TMCC1: variants seen among roughly 807,000 people sequenced by gnomAD.
TMCC1 encodes transmembrane and coiled-coil domain family 1, also known as transmembrane and coiled-coil domains protein 1.
In TMCC1, 15 loss-of-function variants were observed where a neutral mutation model predicts 52.4. The observed-to-expected ratio is 0.29, with a 90% confidence interval of 0.19 to 0.44. The LOEUF (loss-of-function observed/expected upper bound fraction) is 0.44. Ranked by LOEUF, TMCC1 falls within the 20% of genes least tolerant of loss-of-function variation. The probability of loss-of-function intolerance (pLI) is 1.00; values close to 1 mark genes in which losing one functional copy is unlikely to be tolerated. For missense variants in TMCC1, 503 were observed against 806.0 expected, an observed-to-expected ratio of 0.62 and a Z score of 4.55; for synonymous variants, 279 against 301.9, an observed-to-expected ratio of 0.92 and a Z score of 0.79.
At chr3:129,823,331 A>G (rs1576990830) in intron 4 of TMCC1, among the ~76,000 whole-genome samples, 1 of 4,428 alleles carries the variant, frequency 2.3e-4, no homozygotes, top group South Asian at 0.02. Context: ...CATCTCAAAC[A>G]AAACAAAACA....
chr3:129,790,105 A>G (rs1164826657), intron 4 of TMCC1, among the ~76,000 whole-genome samples: 2 of 152,190 alleles, frequency 1.3e-5, no homozygotes, highest in African/African-American at 4.8e-5. Context: ...TGATTGAAAA[A>G]GAATCATCAC....
chr3:129,670,986 G>C lies in TMCC1; in HGVS notation c.855C>G (p.Asn285Lys), dbSNP rs1286451326. The C allele has an allele frequency of 6.2e-7, 1 of 1,614,190 alleles. No individual in the cohort carries two copies. The highest frequency in any genetic ancestry group is 8.5e-7 in the Non-Finnish European group (1 of 1,180,048). ...ARIKQVFEKK[N>K]QKSAQTILQL... is the part of the protein sequence containing the mutation. ...GGAGGATAGTTTGGGCAGATTTCTGGTTCTTCTTCTCAAAGACTTGCTTGA... is the reference window on the plus strand; with the variant it reads ...GGAGGATAGTTTGGGCAGATTTCTGCTTCTTCTTCTCAAAGACTTGCTTGA... Residue 285 changes from asparagine (N) to lysine (K), a missense_variant, in exon 5 of 7, where the codon AAC becomes AAG. Asn to Lys is a moderately conservative substitution (Grantham distance 94). This residue lies in a region of TMCC1 where 73 missense variants were observed against 182.9 expected (regional missense o/e 0.40). Coordinates refer to ENST00000393238, the MANE Select transcript of TMCC1 (RefSeq NM_001017395.5).
At chr3:129,684,920 T>C (rs1430873729) in intron 4 of TMCC1, among the ~76,000 whole-genome samples, 1 of 152,216 alleles carries the variant, frequency 6.6e-6, no homozygotes, top group Non-Finnish European at 1.5e-5. Flanking sequence ...TTTTTCTTTA[T>C]GTAAAACACT....
chr3:129,861,865 C>G (rs572521258), intron 2 of TMCC1, among the ~76,000 whole-genome samples: 2 of 152,288 alleles, frequency 1.3e-5, no homozygotes, highest in East Asian at 3.9e-4. Flanking sequence ...AATTCCATTT[C>G]TAGGCATATA....
intron 3 of TMCC1, among the ~76,000 whole-genome samples, chr3:129,831,385 C>T (rs548261585): frequency 1.1e-4 from 17 of 152,246 alleles, no homozygotes; most frequent in East Asian, 5.8e-4. Context: ...AATAAATTAT[C>T]GGATTTTCAA....
chr3:129,829,603 T>G (rs913793303), intron 3 of TMCC1, among the ~76,000 whole-genome samples: 1 of 152,170 alleles, frequency 6.6e-6, no homozygotes, highest in Non-Finnish European at 1.5e-5. Flanking sequence ...CAAAATATGA[T>G]GTAGGAGGTT....
intron 2 of TMCC1, among the ~76,000 whole-genome samples, chr3:129,844,874 T>A (rs934396988): frequency 6.6e-6 from 1 of 152,176 alleles, no homozygotes; most frequent in Non-Finnish European, 1.5e-5. Context: ...CTGTTCCTTT[T>A]TGAAAATAAA....
intron 2 of TMCC1, among the ~76,000 whole-genome samples, chr3:129,840,301 A>G (rs1218466365): frequency 1.7e-5 from 2 of 117,546 alleles, no homozygotes; most frequent in South Asian, 3.0e-4. Context: ...TACTCCAACC[A>G]GGGTGACAGA....
In TMCC1 at chr3:129,671,218, A is replaced by G. The variant is rs2087908186; in HGVS notation, c.623T>C (p.Val208Ala). The change falls in exon 5 of 7, where the codon GTG becomes GCG. Residue 208 changes from valine to alanine, a missense_variant. This residue lies in a region of TMCC1 where 217 missense variants were observed against 297.9 expected (regional missense o/e 0.73). Transcript: ENST00000393238. Reference protein sequence around the residue: ...VSSLAQTSSAVASSTDGSIHT... With the variant: ...VSSLAQTSSAAASSTDGSIHT... ...GATGCTGCCATCGGTACTGGAGGCC[A>G]CTGCACTGGATGTTTGGGCAAGGCT... 6 of 1,614,114 alleles carry G rather than the reference A, an allele frequency of 3.7e-6. No individual in the cohort carries two copies. The highest frequency in any genetic ancestry group is 5.1e-6 in the Non-Finnish European group (6 of 1,180,012).
chr3:129,775,318 G>A (rs565564061), intron 4 of TMCC1, among the ~76,000 whole-genome samples: 6 of 152,134 alleles, frequency 3.9e-5, no homozygotes, highest in Admixed American at 3.9e-4. Flanking sequence ...GTTTTAATTA[G>A]CCAGGTGTGG....
At chr3:129,654,336 C>A (rs1259832276) in intron 6 of TMCC1, among the ~76,000 whole-genome samples, 1 of 152,160 alleles carries the variant, frequency 6.6e-6, no homozygotes, top group East Asian at 1.9e-4. Flanking sequence ...GGTAAATGAT[C>A]TAGACATTCC....
chr3:129,710,410 G>A (rs971968132), intron 4 of TMCC1, among the ~76,000 whole-genome samples: 3 of 152,008 alleles, frequency 2.0e-5, no homozygotes, highest in Non-Finnish European at 4.4e-5. Context: ...AAGTGATTCT[G>A]CCTCGGACTC....
chr3:129,671,371 A>T (rs191159984), intron 4 of TMCC1, 107 bp from the exon 5 acceptor site: 2 of 1,177,974 alleles, frequency 1.7e-6, no homozygotes, highest in Non-Finnish European at 2.3e-6. Context: ...ATCTCAGTAG[A>T]TAACTGACCT....
At position 129,798,289 on chromosome 3, in the gene TMCC1, C is replaced by T. The variant is rs1456228140; in HGVS notation, c.576+29514G>A. ...GGATCACAGGCATGAGCCACCATGC[C>T]CAGCCGCCTTTCTGGTTTTTGAGTG... On this transcript the variant is annotated intron_variant, in intron 4 of 6. Transcript: ENST00000393238. 2.0e-5 allele frequency among the ~76,000 whole-genome samples: 3 copies of T among 152,152 alleles called. No homozygotes were observed. In the East Asian group the frequency reaches 5.8e-4, roughly 29 times the overall value.
At chr3:129,722,908 T>TA (rs2049737290) in intron 4 of TMCC1, among the ~76,000 whole-genome samples, 1 of 152,196 alleles carries the variant, frequency 6.6e-6, no homozygotes, top group Non-Finnish European at 1.5e-5. Context: ...CCATAAGGCA[T>TA]AAGAGGGTAA....
intron 2 of TMCC1, among the ~76,000 whole-genome samples, chr3:129,854,373 G>C (rs977668345): frequency 2.9e-5 from 4 of 138,952 alleles, no homozygotes; most frequent in African/African-American, 1.1e-4. Flanking sequence ...GGGCAACACA[G>C]TGAGACTCTG....
chr3:129,868,455 T>C (rs1188732151), intron 2 of TMCC1, among the ~76,000 whole-genome samples: 2 of 152,218 alleles, frequency 1.3e-5, no homozygotes, highest in African/African-American at 4.8e-5. Context: ...CTTTTCTTTT[T>C]TGAGATAGAG....
intron 4 of TMCC1, among the ~76,000 whole-genome samples, chr3:129,756,209 T>C (rs1270753533): frequency 3.3e-5 from 5 of 152,176 alleles, no homozygotes; most frequent in Non-Finnish European, 7.4e-5. Flanking sequence ...TCCTATATAT[T>C]TATCCAAGTG....
chr3:129,892,690 C>G lies in TMCC1; in HGVS notation c.-435+804G>C, dbSNP rs995210242. On this transcript the variant is annotated intron_variant, in intron 1 of 6. Transcript: ENST00000393238. Reference sequence around the variant, plus strand: ...CGGGGGCCGGGGGTAGCCAACAGCTCAAGTGGGCTGCTTCACTCCGTGGCA... The same window carrying G: ...CGGGGGCCGGGGGTAGCCAACAGCTGAAGTGGGCTGCTTCACTCCGTGGCA... 3 of 152,336 alleles carry G rather than the reference C, an allele frequency of 2.0e-5. No individual in the cohort carries two copies. In the East Asian group the frequency reaches 5.8e-4, roughly 29 times the overall value. The allele number at this position is 152,336 out of a possible 1,614,324, so 9.4% of individuals were successfully genotyped here. A position where few individuals can be genotyped will look rare whatever the true frequency, so the allele number is the denominator to read the frequency against.
Sources: allele counts gnomAD v4.1 joint callset (sites outside exome capture counted in the v4.1 genomes callset), GRCh38; gene constraint gnomAD v4.1.1; regional missense constraint gnomAD v4.1.1; transcripts MANE v1.5; gene names NCBI Gene and HGNC (gene_info 2026-07-23, HGNC 2026-07-21).